NRG3: variants seen among roughly 807,000 people sequenced by gnomAD.
The protein encoded by NRG3 is neuregulin 3.
Under a neutral mutation model 66.9 loss-of-function variants are expected in NRG3, and 31 were observed. The observed-to-expected ratio is 0.46, with a 90% confidence interval of 0.35 to 0.63. The LOEUF is 0.63. Among genes scored for constraint, NRG3 ranks in the 20% least tolerant of loss-of-function variants. The pLI, the probability that NRG3 is intolerant of heterozygous loss-of-function variation, is 0.00. For missense variants in NRG3, 910 were observed against 878.9 expected, an observed-to-expected ratio of 1.04 and a Z score of -0.45; for synonymous variants, 393 against 359.4, an observed-to-expected ratio of 1.09 and a Z score of -1.06.
chr10:81,961,709 G>C (rs1396415927), intron 1 of NRG3, among the ~76,000 whole-genome samples: 2 of 152,232 alleles, frequency 1.3e-5, no homozygotes, highest in African/African-American at 4.8e-5. Context: ...GCTGTTCTTT[G>C]TAAAAGGTCT....
intron 1 of NRG3, among the ~76,000 whole-genome samples, chr10:82,314,651 AT>A (rs2081201098): frequency 6.6e-6 from 1 of 151,814 alleles, no homozygotes; most frequent in African/African-American, 2.4e-5. Context: ...TACTAAAAAT[AT>A]TTAAAAAATT....
chr10:82,244,101 C>T (rs2077126488), intron 1 of NRG3, among the ~76,000 whole-genome samples: 1 of 152,148 alleles, frequency 6.6e-6, no homozygotes, highest in Admixed American at 6.5e-5. Context: ...TTTTCATCAT[C>T]AACAGGCATT....
chr10:82,962,731 C>T lies in NRG3; in HGVS notation c.1284+3656C>T, dbSNP rs562829379. Among the ~76,000 whole-genome samples, 19 of 151,944 alleles carry T rather than the reference C, an allele frequency of 1.3e-4. No homozygotes were observed. The East Asian group carries it at 2.9e-3, about 23-fold the overall frequency. ...GTGGGTGCCTGTAATTCCAGCTACTCGGGAGGTTGAGGTGGGAGAATTGCT... is the reference window on the plus strand; with the variant it reads ...GTGGGTGCCTGTAATTCCAGCTACTTGGGAGGTTGAGGTGGGAGAATTGCT... On this transcript the variant is annotated intron_variant, in intron 6 of 8. Coordinates refer to ENST00000372141, the MANE Select transcript of NRG3 (RefSeq NM_001010848.4).
At chr10:82,688,771 A>G (rs2054700724) in intron 2 of NRG3, among the ~76,000 whole-genome samples, 1 of 94,254 alleles carries the variant, frequency 1.1e-5, no homozygotes, top group Non-Finnish European at 2.5e-5. Context: ...CTTTTTTAGA[A>G]AAAAAAAAAA....
chr10:82,166,782 T>C, intron 1 of NRG3: 1 of 686,184 alleles, frequency 1.5e-6, no homozygotes, highest in Non-Finnish European at 2.7e-6. Flanking sequence ...TGCTTTAACA[T>C]TTCAAGTAGT....
chr10:81,901,752 G>C (rs1844097825), intron 1 of NRG3, among the ~76,000 whole-genome samples: 1 of 152,140 alleles, frequency 6.6e-6, no homozygotes, highest in African/African-American at 2.4e-5. Flanking sequence ...TTTATTATAA[G>C]ATCTTAAACA....
intron 1 of NRG3, among the ~76,000 whole-genome samples, chr10:81,982,793 C>T (rs748230136): frequency 4.6e-5 from 7 of 152,178 alleles, no homozygotes; most frequent in Non-Finnish European, 1.0e-4. Flanking sequence ...CTTTAGAGGA[C>T]CTGTCTCCAA....
chr10:82,271,355 T>A (rs1261051040), intron 1 of NRG3, among the ~76,000 whole-genome samples: 4 of 152,032 alleles, frequency 2.6e-5, no homozygotes. Flanking sequence ...AACACTATTA[T>A]CTTAAAAACA....
At chr10:82,434,499 G>T (rs1365296703) in intron 2 of NRG3, among the ~76,000 whole-genome samples, 2 of 152,096 alleles carry the variant, frequency 1.3e-5, no homozygotes, top group African/African-American at 2.4e-5. Context: ...AATAGGAGTG[G>T]TGAGACTGGG....
At chr10:82,287,901 G>A (rs2079513062) in intron 1 of NRG3, among the ~76,000 whole-genome samples, 2 of 152,168 alleles carry the variant, frequency 1.3e-5, no homozygotes, top group Admixed American at 6.5e-5. Flanking sequence ...ATGCCATCCA[G>A]TGGTCCCTTG....
At chr10:82,944,630 C>G (rs1295399120) in intron 4 of NRG3, among the ~76,000 whole-genome samples, 1 of 152,034 alleles carries the variant, frequency 6.6e-6, no homozygotes, top group East Asian at 1.9e-4. Context: ...AAATGTCAAC[C>G]CAAGCCTGCT....
chr10:82,350,928 G>T (rs543041376), intron 1 of NRG3, among the ~76,000 whole-genome samples: 1 of 150,350 alleles, frequency 6.7e-6, no homozygotes, highest in Admixed American at 6.6e-5. Context: ...GTCTTGTGCT[G>T]TCACCCAGGC....
chr10:82,240,081 T>A (rs2076942082), intron 1 of NRG3, among the ~76,000 whole-genome samples: 1 of 152,114 alleles, frequency 6.6e-6, no homozygotes, highest in Non-Finnish European at 1.5e-5. Flanking sequence ...AAAGGCACAT[T>A]TCCTTTTGTT....
At chr10:82,483,780 C>T (rs1485392048) in intron 2 of NRG3, among the ~76,000 whole-genome samples, 4 of 152,272 alleles carry the variant, frequency 2.6e-5, no homozygotes, top group African/African-American at 7.2e-5. Flanking sequence ...AGCACCTGAG[C>T]GTCCTGGTGG....
intron 4 of NRG3, among the ~76,000 whole-genome samples, chr10:82,925,119 T>G (rs1009653216): frequency 4.6e-5 from 7 of 152,294 alleles, no homozygotes; most frequent in African/African-American, 1.7e-4. Context: ...GACAAAGAAT[T>G]CCTCAAAGTT....
At chr10:82,592,610 A>T (rs2047044557) in intron 2 of NRG3, among the ~76,000 whole-genome samples, 1 of 152,120 alleles carries the variant, frequency 6.6e-6, no homozygotes, top group Non-Finnish European at 1.5e-5. Context: ...TGTTTATAAG[A>T]TCATTTCCCC....
intron 1 of NRG3, among the ~76,000 whole-genome samples, chr10:82,047,117 T>A (rs2063336331): frequency 1.3e-5 from 2 of 151,454 alleles, no homozygotes; most frequent in African/African-American, 4.8e-5. Context: ...TCTTTTTCTA[T>A]TGATTGGAAT....
At chr10:82,485,537 A>G (rs1842615380) in intron 2 of NRG3, among the ~76,000 whole-genome samples, 1 of 150,754 alleles carries the variant, frequency 6.6e-6, no homozygotes. Context: ...GCCAACTAGC[A>G]TTTGTAAAAA....
At chr10:82,388,959 A>G (rs11194106) in intron 2 of NRG3, among the ~76,000 whole-genome samples, 12,788 of 152,224 alleles carry the variant, frequency 0.084, 732 homozygotes, top group Non-Finnish European at 0.12. Flanking sequence ...TGCATTTTAC[A>G]AAAGATCCTC....
Sources: gnomAD v4.1 joint callset for allele counts (sites outside exome capture counted in the v4.1 genomes callset) on GRCh38, gnomAD v4.1.1 for gene constraint, MANE v1.5 for transcripts, NCBI Gene and HGNC (gene_info 2026-07-23, HGNC 2026-07-21) for gene names.